The following ANXA8 variants were observed in gnomAD, a reference collection of about 807,000 sequenced individuals.
The protein encoded by ANXA8 is annexin A8.
ANXA8 carries 9 observed loss-of-function variants against 26.8 expected under a neutral mutation model. The ratio of observed to expected loss-of-function variants is 0.34; its 90% CI spans 0.20 to 0.59. The LOEUF is 0.59. ANXA8 is among the 20% of genes least tolerant of loss of function. The pLI is 0.84. For missense variants in ANXA8, 83 were observed against 238.5 expected (o/e 0.35, Z 4.29); for synonymous variants, 39 against 94.8 (o/e 0.41, Z 3.42).
chr10:47,664,281 G>A, the ANXA8 span, among the ~76,000 whole-genome samples: 3 of 152,076 alleles, frequency 2.0e-5, no homozygotes, highest in Non-Finnish European at 4.4e-5. Flanking sequence ...GGGAGGCTGA[G>A]GCAGGAGAAT....
At chr10:47,708,637 C>T in the ANXA8 span, among the ~76,000 whole-genome samples, 1 of 151,328 alleles carries the variant, frequency 6.6e-6, no homozygotes, top group African/African-American at 2.4e-5. Context: ...CAGACCTGCA[C>T]ATGTACACCC....
the ANXA8 span, among the ~76,000 whole-genome samples, chr10:47,567,503 C>T: frequency 6.7e-6 from 1 of 148,240 alleles, no homozygotes; most frequent in African/African-American, 2.5e-5. Flanking sequence ...GAGGCGCCCG[C>T]CCCACCCCAG....
chr10:47,660,950 G>T, the ANXA8 span, among the ~76,000 whole-genome samples: 7,867 of 148,066 alleles, frequency 0.053, 272 homozygotes, highest in African/African-American at 0.2. Flanking sequence ...TAGAAATAAA[G>T]ATGTTACTCT....
chr10:47,561,664 T>C, the ANXA8 span, among the ~76,000 whole-genome samples: 3 of 151,846 alleles, frequency 2.0e-5, 1 homozygote, highest in African/African-American at 7.3e-5. Flanking sequence ...GTCAGAATAT[T>C]CGTATATTAA....
upstream of ANXA8, among the ~76,000 whole-genome samples, chr10:47,488,711 AAAT>A (rs1840088943): frequency 1.1e-5 from 1 of 94,280 alleles, no homozygotes; most frequent in Non-Finnish European, 2.1e-5. Context: ...TTTACATGTT[AAAT>A]TTTTTTTTTT....
At chr10:47,948,602 G>A in the ANXA8 span, among the ~76,000 whole-genome samples, 1 of 148,630 alleles carries the variant, frequency 6.7e-6, no homozygotes, top group Non-Finnish European at 1.5e-5. Context: ...TGAATCTTTA[G>A]TAACCTGTGG....
At chr10:47,605,816 T>C in the ANXA8 span, among the ~76,000 whole-genome samples, 1 of 145,462 alleles carries the variant, frequency 6.9e-6, no homozygotes, top group Non-Finnish European at 1.5e-5. Flanking sequence ...TCAGCACTTA[T>C]AAACATAGTA....
the ANXA8 span, chr10:47,565,740 G>A: frequency 1.9e-5 from 11 of 564,592 alleles, no homozygotes; most frequent in Non-Finnish European, 3.0e-5. Context: ...GGGCGTGCAA[G>A]GGCCGGGCAG....
the ANXA8 span, among the ~76,000 whole-genome samples, chr10:47,660,788 T>C: frequency 6.8e-6 from 1 of 147,634 alleles, no homozygotes; most frequent in South Asian, 2.1e-4. Context: ...TTTTCCATGT[T>C]GTCTTTCTCC....
the ANXA8 span, chr10:47,581,380 A>G: frequency 7.2e-6 from 3 of 419,288 alleles, no homozygotes; most frequent in Non-Finnish European, 1.4e-5. Context: ...AGTAAATAAA[A>G]TGTTAAGAAG....
chr10:47,742,939 G>A, the ANXA8 span, among the ~76,000 whole-genome samples: 5 of 142,318 alleles, frequency 3.5e-5, no homozygotes, highest in South Asian at 4.5e-4. Context: ...CAGATCATGA[G>A]GTCAGGAGAT....
At chr10:47,755,436 T>C in the ANXA8 span, among the ~76,000 whole-genome samples, 2 of 152,060 alleles carry the variant, frequency 1.3e-5, no homozygotes, top group African/African-American at 4.8e-5. Context: ...TTTGTATTTT[T>C]AGTAGAGACG....
At chr10:47,772,263 G>C in the ANXA8 span, among the ~76,000 whole-genome samples, 11 of 151,970 alleles carry the variant, frequency 7.2e-5, no homozygotes, top group Middle Eastern at 3.4e-3. Flanking sequence ...AGATTCCTTG[G>C]ATGTGTCACC....
chr10:47,583,861 A>G, the ANXA8 span, among the ~76,000 whole-genome samples: 11 of 139,402 alleles, frequency 7.9e-5, no homozygotes, highest in East Asian at 2.1e-3. Flanking sequence ...TGCAAGCAGA[A>G]GCCTTACCTC....
chr10:47,693,590 G>C, the ANXA8 span, among the ~76,000 whole-genome samples: 2 of 151,980 alleles, frequency 1.3e-5, no homozygotes, highest in African/African-American at 4.8e-5. Context: ...GCGCCCGGCC[G>C]AGTACAATCT....
the ANXA8 span, among the ~76,000 whole-genome samples, chr10:47,627,008 G>A: frequency 6.7e-6 from 1 of 149,208 alleles, no homozygotes; most frequent in East Asian, 1.9e-4. Flanking sequence ...GAAACATAAG[G>A]TTCTAAGGTT....
chr10:47,970,955 G>A, the ANXA8 span, among the ~76,000 whole-genome samples: 12 of 151,372 alleles, frequency 7.9e-5, no homozygotes, highest in African/African-American at 2.9e-4. Context: ...CCCACCAGGA[G>A]TGGCCAGCAA....
At chr10:47,704,709 T>C in the ANXA8 span, among the ~76,000 whole-genome samples, 2 of 152,060 alleles carry the variant, frequency 1.3e-5, no homozygotes, top group African/African-American at 2.4e-5. Context: ...AAGATTAACA[T>C]ACAAAAGTCA....
At chr10:47,632,095 T>C in the ANXA8 span, among the ~76,000 whole-genome samples, 8 of 152,376 alleles carry the variant, frequency 5.3e-5, no homozygotes, top group Middle Eastern at 3.4e-3. Context: ...GACACAGAAG[T>C]TGAATACTTT....
Sources: allele counts gnomAD v4.1 joint callset (sites outside exome capture counted in the v4.1 genomes callset), GRCh38; gene constraint gnomAD v4.1.1; transcripts MANE v1.5; gene names NCBI Gene and HGNC (gene_info 2026-07-23, HGNC 2026-07-21).